Variants in PSEN1 observed in about 807,000 individuals in gnomAD.
PSEN1 encodes presenilin 1.
In PSEN1, 15 loss-of-function variants were observed where a neutral mutation model predicts 53.5. The observed-to-expected ratio is 0.28, with a 90% CI of 0.19 to 0.43. PSEN1 has a LOEUF of 0.43. Among genes scored for constraint, PSEN1 ranks in the 20% least tolerant of loss-of-function variants. PSEN1 has a pLI of 1.00. For synonymous variants in PSEN1, 208 were observed against 209.8 expected (o/e 0.99, Z 0.08); for missense variants, 387 against 571.2 (o/e 0.68, Z 3.29).
rs192957146 is a variant in PSEN1, at chr14:73,176,456, A to G, written c.480+2749A>G. 8.5e-5 allele frequency among the ~76,000 whole-genome samples: 13 copies of G among 152,364 alleles called. No homozygotes were observed. The East Asian group carries it at 2.3e-3, about 27-fold the overall frequency. On this transcript the variant is annotated intron_variant, in intron 5 of 11. Transcript: ENST00000324501. ...TTCTACTTTTTCTTTCTTATAATCT[A>G]GAATTTACATTCAGATTTCCTGCCT...
chr14:73,149,281 A>G (rs1186618392), intron 3 of PSEN1, among the ~76,000 whole-genome samples: 1 of 151,914 alleles, frequency 6.6e-6, no homozygotes, highest in Non-Finnish European at 1.5e-5. Flanking sequence ...TGCTTGTCTA[A>G]GAGTTTGAGT....
intron 7 of PSEN1, among the ~76,000 whole-genome samples, chr14:73,197,174 C>A (rs1898989624): frequency 6.6e-6 from 1 of 152,114 alleles, no homozygotes; most frequent in South Asian, 2.1e-4. Context: ...ACCTTGTGAT[C>A]CGCCCACCTC....
intron 1 of PSEN1, among the ~76,000 whole-genome samples, chr14:73,146,960 C>T (rs531455353): frequency 6.6e-6 from 1 of 152,094 alleles, no homozygotes; most frequent in East Asian, 1.9e-4. Context: ...AGGGTGAACT[C>T]TGAGAGACAC....
At chr14:73,208,942 T>G (rs761876896) in intron 9 of PSEN1, 5 of 451,320 alleles carry the variant, frequency 1.1e-5, no homozygotes, top group South Asian at 7.9e-5. Context: ...CCCTCCTCAG[T>G]CTCCCTCCCA....
chr14:73,197,959 C>T, intron 7 of PSEN1, 72 bp from the exon 8 acceptor site: 3 of 777,960 alleles, frequency 3.9e-6, no homozygotes, highest in Admixed American at 2.0e-5. Flanking sequence ...TTCGTTAATT[C>T]CTCCCTACCA....
At chr14:73,202,418 CTATATATATATATA>C (rs1248311168) in intron 8 of PSEN1, among the ~76,000 whole-genome samples, 346 of 27,214 alleles carry the variant, frequency 0.013, 3 homozygotes, top group Middle Eastern at 0.062. Context: ...CTATCACATA[CTATATATATATATA>C]TATATATATA....
chr14:73,195,850 C>T (rs1005777889), intron 7 of PSEN1, among the ~76,000 whole-genome samples: 1 of 152,176 alleles, frequency 6.6e-6, no homozygotes, highest in African/African-American at 2.4e-5. Context: ...TATGAAGTAT[C>T]AAGGCAGTTA....
Position 73,222,482 on chromosome 14 carries a change from T to C in PSEN1, c.*3193T>C, listed in dbSNP as rs1360915384. On this transcript the variant is annotated 3_prime_UTR_variant, in exon 12 of 12. Coordinates refer to ENST00000324501, the MANE Select transcript of PSEN1 (RefSeq NM_000021.4). ...CCAAATAAGGTCTCCCAGGGTTAGA[T>C]GACTGCGGGAAGCCTTTGATCCCAA... is the stretch of plus-strand genomic sequence containing the variant. The C allele has an allele frequency of 6.6e-6, 1 of 152,210 alleles. No individual in the cohort carries two copies. The highest frequency in any genetic ancestry group is 1.5e-5 in the Non-Finnish European group (1 of 68,040). 9.4% of individuals were successfully genotyped at this position (152,210 alleles called of 1,614,324 possible).
At chr14:73,141,924 A>G (rs1239568129) in intron 1 of PSEN1, among the ~76,000 whole-genome samples, 1 of 150,532 alleles carries the variant, frequency 6.6e-6, no homozygotes, top group Non-Finnish European at 1.5e-5. Context: ...AAAATTAGCC[A>G]GGCGTGGTGG....
At chr14:73,141,144 G>A (rs1216763372) in intron 1 of PSEN1, among the ~76,000 whole-genome samples, 1 of 152,210 alleles carries the variant, frequency 6.6e-6, no homozygotes, top group Non-Finnish European at 1.5e-5. Context: ...TTAGGAGTGG[G>A]TAGTAGACTG....
intron 3 of PSEN1, among the ~76,000 whole-genome samples, chr14:73,151,213 C>T (rs959082633): frequency 1.3e-5 from 2 of 152,166 alleles, no homozygotes; most frequent in African/African-American, 4.8e-5. Flanking sequence ...GTAGCTCTAG[C>T]ATTTGTTTTC....
At chr14:73,171,083 A>G (rs768433317) in intron 4 of PSEN1, 36 bp downstream of exon 4, 1 of 1,612,548 alleles carries the variant, frequency 6.2e-7, no homozygotes, top group Admixed American at 1.7e-5. Context: ...TCTCAAAGCC[A>G]GTGTGGCTTT....
intron 8 of PSEN1, among the ~76,000 whole-genome samples, chr14:73,203,956 C>T (rs1044985340): frequency 2.0e-5 from 3 of 152,156 alleles, no homozygotes; most frequent in Admixed American, 6.5e-5. Flanking sequence ...GAATTCAAGA[C>T]CACCCTAGAC....
chr14:73,165,962 G>A (rs214271), intron 3 of PSEN1, among the ~76,000 whole-genome samples: 113,570 of 151,636 alleles, frequency 0.75, 43,909 homozygotes, highest in African/African-American at 0.93. Flanking sequence ...AGGCTGACGC[G>A]GGAGAATTGC....
intron 3 of PSEN1, among the ~76,000 whole-genome samples, chr14:73,158,470 C>T (rs775607266): frequency 7.2e-5 from 11 of 152,086 alleles, no homozygotes; most frequent in Admixed American, 2.0e-4. Context: ...GGATTACAGG[C>T]GCCTGCCACC....
chr14:73,151,356 G>C (rs538805943), intron 3 of PSEN1, among the ~76,000 whole-genome samples: 50 of 152,122 alleles, frequency 3.3e-4, no homozygotes, highest in Non-Finnish European at 6.6e-4. Context: ...CTCAAAGATA[G>C]TTGCTGTGAT....
chr14:73,163,068 T>C (rs1478927704), intron 3 of PSEN1, among the ~76,000 whole-genome samples: 1 of 152,226 alleles, frequency 6.6e-6, no homozygotes, highest in Non-Finnish European at 1.5e-5. Flanking sequence ...TAGATTCTTA[T>C]GTCACATTTT....
chr14:73,218,934 A>G (rs1425520346), intron 11 of PSEN1, among the ~76,000 whole-genome samples, 200 bp from the exon 12 acceptor site: 1 of 152,234 alleles, frequency 6.6e-6, no homozygotes, highest in Non-Finnish European at 1.5e-5. Flanking sequence ...TGTGTGCATA[A>G]TGAACCCTAT....
intron 6 of PSEN1, among the ~76,000 whole-genome samples, chr14:73,188,301 C>A (rs552320571): frequency 6.6e-6 from 1 of 152,054 alleles, no homozygotes; most frequent in Non-Finnish European, 1.5e-5. Context: ...ACTAGATCAT[C>A]ATCTCTGTAT....
Sources: gnomAD v4.1 joint callset for allele counts (sites outside exome capture counted in the v4.1 genomes callset) on GRCh38, gnomAD v4.1.1 for gene constraint, MANE v1.5 for transcripts, NCBI Gene and HGNC (gene_info 2026-07-23, HGNC 2026-07-21) for gene names.